The following WWC1 variants were observed in gnomAD, a reference collection of about 807,000 sequenced individuals.
WWC1 encodes the protein WW and C2 domain containing 1.
In WWC1, 55 loss-of-function variants were observed where a neutral mutation model predicts 138.4. That is an observed-to-expected ratio of 0.40 (90% CI 0.32 to 0.50). The LOEUF is 0.50. WWC1 is among the 20% of genes least tolerant of loss of function. WWC1 has a pLI of 0.72. For missense variants in WWC1, 1,226 were observed against 1,420.4 expected, an observed-to-expected ratio of 0.86 and a Z score of 2.20; for synonymous variants, 524 against 564.9, an observed-to-expected ratio of 0.93 and a Z score of 1.03.
intron 15 of WWC1, among the ~76,000 whole-genome samples, chr5:168,441,026 C>T (rs79531900): frequency 0.014 from 2,064 of 152,156 alleles, 51 homozygotes; most frequent in African/African-American, 0.047. Flanking sequence ...GAGGTATGAC[C>T]GCATCACCGC....
intron 1 of WWC1, among the ~76,000 whole-genome samples, chr5:168,331,108 A>G (rs1773000834): frequency 6.6e-6 from 1 of 151,920 alleles, no homozygotes; most frequent in African/African-American, 2.4e-5. Context: ...AACAGCCCAA[A>G]TCTCTCTCCC....
At chr5:168,402,625 C>G (rs938935678) in intron 5 of WWC1, among the ~76,000 whole-genome samples, 4 of 152,106 alleles carry the variant, frequency 2.6e-5, no homozygotes, top group Admixed American at 6.6e-5. Flanking sequence ...TTCTCTTCAC[C>G]CCCCTTTTAA....
At chr5:168,302,390 G>A (rs1374677863) in intron 1 of WWC1, among the ~76,000 whole-genome samples, 2 of 152,188 alleles carry the variant, frequency 1.3e-5, no homozygotes, top group South Asian at 2.1e-4. Flanking sequence ...GGGTGTGCAC[G>A]CGGGGGATGG....
At chr5:168,401,343 C>T (rs1582164065) in intron 5 of WWC1, among the ~76,000 whole-genome samples, 1 of 152,226 alleles carries the variant, frequency 6.6e-6, no homozygotes, top group Non-Finnish European at 1.5e-5. Flanking sequence ...AGCTCACTTA[C>T]ATTCCCAGGG....
intron 1 of WWC1, among the ~76,000 whole-genome samples, chr5:168,336,336 C>T (rs141517506): frequency 1.2e-3 from 175 of 152,090 alleles, no homozygotes; most frequent in Non-Finnish European, 2.1e-3. Flanking sequence ...CTTGGGAGGC[C>T]GAGGCGGGTG....
intron 21 of WWC1, among the ~76,000 whole-genome samples, chr5:168,465,352 T>C (rs903718086): frequency 6.6e-6 from 1 of 151,862 alleles, no homozygotes; most frequent in Non-Finnish European, 1.5e-5. Context: ...GCCCAGGAAG[T>C]CCCACAGGGC....
intron 8 of WWC1, 23 bp from the exon 9 acceptor site, chr5:168,414,325 A>G (rs1780432075): frequency 1.9e-6 from 3 of 1,611,640 alleles, no homozygotes; most frequent in African/African-American, 1.3e-5. Context: ...CACACCAGTC[A>G]TGCTTGCTTT....
intron 1 of WWC1, among the ~76,000 whole-genome samples, chr5:168,356,563 C>T (rs1775438929): frequency 6.6e-6 from 1 of 152,262 alleles, no homozygotes; most frequent in African/African-American, 2.4e-5. Context: ...TCAACCTTGT[C>T]TCTCAAATCA....
chr5:168,317,119 T>G (rs963915257), intron 1 of WWC1, among the ~76,000 whole-genome samples: 2 of 152,190 alleles, frequency 1.3e-5, no homozygotes, highest in South Asian at 4.1e-4. Flanking sequence ...GAGGCAGCTG[T>G]GGCCCAGAGA....
At chr5:168,387,424 G>A (rs1309692470) in intron 3 of WWC1, among the ~76,000 whole-genome samples, 2 of 152,210 alleles carry the variant, frequency 1.3e-5, no homozygotes, top group East Asian at 3.8e-4. Context: ...GAAAAGAACT[G>A]TGTTACATTC....
intron 1 of WWC1, among the ~76,000 whole-genome samples, chr5:168,334,176 A>G (rs1773263533): frequency 6.6e-6 from 1 of 151,292 alleles, no homozygotes; most frequent in Non-Finnish European, 1.5e-5. Context: ...GTGAGCTATG[A>G]TGATACCCCT....
chr5:168,413,530 C>G (rs1211721329), intron 8 of WWC1, among the ~76,000 whole-genome samples: 1 of 152,162 alleles, frequency 6.6e-6, no homozygotes, highest in African/African-American at 2.4e-5. Context: ...ATGAGGCTGC[C>G]AGCTCTTTCC....
chr5:168,384,571 C>A (rs186593657), intron 2 of WWC1, among the ~76,000 whole-genome samples: 1 of 152,178 alleles, frequency 6.6e-6, no homozygotes, highest in East Asian at 1.9e-4. Context: ...TTTTTCTTTC[C>A]TTTAGTCTTC....
intron 5 of WWC1, 44 bp from the exon 6 acceptor site, chr5:168,406,154 C>T: frequency 6.2e-7 from 1 of 1,608,054 alleles, no homozygotes; most frequent in Non-Finnish European, 8.5e-7. Flanking sequence ...GACCCTGTCC[C>T]TCACCCTATC....
chr5:168,292,420 A>G lies in WWC1; in HGVS notation c.119+149A>G, dbSNP rs1581831057. On this transcript the variant is annotated intron_variant, in intron 1 of 22. Coordinates refer to ENST00000265293, the MANE Select transcript of WWC1 (RefSeq NM_015238.3). This position sits in a 1 kb window ranked among gnomAD's most constrained non-coding sequence, Gnocchi z 4.4. The stretch of plus-strand genomic sequence containing the variant: ...AGTTCGCCACCCCCTGCTCCCCCCA[A>G]CCTTCTGGAGCGCTGCTCCCGCCTC... 2 of 918,566 alleles carry G rather than the reference A, an allele frequency of 2.2e-6. No homozygotes were observed. Among genetic ancestry groups the G allele is most frequent in the African/African-American group, 1.8e-5 (1 of 56,040 alleles). The allele number at this position is 918,566 out of a possible 1,614,324, so 56.9% of individuals were successfully genotyped here.
chr5:168,461,991 G>A (rs1269361982), intron 20 of WWC1, among the ~76,000 whole-genome samples: 1 of 152,000 alleles, frequency 6.6e-6, no homozygotes, highest in African/African-American at 2.4e-5. Flanking sequence ...GGGAGGCGGA[G>A]GTTGCAGTGA....
chr5:168,432,656 G>A (rs1038126287), intron 15 of WWC1, among the ~76,000 whole-genome samples: 1 of 152,154 alleles, frequency 6.6e-6, no homozygotes, highest in Non-Finnish European at 1.5e-5. Context: ...ATCTGTACTG[G>A]GAGCTTGTTG....
At chr5:168,451,646 A>C (rs1253297017) in intron 17 of WWC1, among the ~76,000 whole-genome samples, 2 of 152,196 alleles carry the variant, frequency 1.3e-5, no homozygotes, top group Admixed American at 1.3e-4. Context: ...TCAAGGCGAC[A>C]GTGAGCTATG....
At chr5:168,423,167 A>C (rs1245736957) in intron 10 of WWC1, among the ~76,000 whole-genome samples, 1 of 151,356 alleles carries the variant, frequency 6.6e-6, no homozygotes, top group Non-Finnish European at 1.5e-5. Context: ...AAAAAAAAAA[A>C]AAAAACACAG....
Sources: gnomAD v4.1 joint callset for allele counts (sites outside exome capture counted in the v4.1 genomes callset) on GRCh38, gnomAD v4.1.1 for gene constraint, Gnocchi (gnomAD v3.1) non-coding constraint, MANE v1.5 for transcripts, NCBI Gene and HGNC (gene_info 2026-07-23, HGNC 2026-07-21) for gene names.